LYPLAL1: variants seen among roughly 807,000 people sequenced by gnomAD.
LYPLAL1 encodes lysophospholipase-like protein 1.
A neutral mutation model predicts 19.7 loss-of-function variants in LYPLAL1; 23 were observed. The observed-to-expected ratio is 1.17, with a 90% CI of 0.84 to 1.65. The LOEUF (loss-of-function observed/expected upper bound fraction) is 1.65, where lower values mean the gene tolerates loss of function less well. Ranked by LOEUF, LYPLAL1 falls within the 40% of genes most tolerant of loss-of-function variation. The probability of loss-of-function intolerance (pLI) is 0.00; values close to 1 mark genes in which losing one functional copy is unlikely to be tolerated. For synonymous variants in LYPLAL1, 119 were observed against 96.3 expected, an observed-to-expected ratio of 1.24 and a Z score of -1.38; for missense variants, 355 against 279.4, an observed-to-expected ratio of 1.27 and a Z score of -1.93.
chr1:219,362,606 G>A, the LYPLAL1 span, among the ~76,000 whole-genome samples: 1,803 of 152,270 alleles, frequency 0.012, 24 homozygotes, highest in South Asian at 0.049. Context: ...AATGGGGTAC[G>A]GAAGTGGCAA....
At chr1:219,409,985 T>C in the LYPLAL1 span, 1 of 152,220 alleles carries the variant, frequency 6.6e-6, no homozygotes, top group East Asian at 1.9e-4. Context: ...CCGTTTTTCA[T>C]TTTTACTCTT....
chr1:219,229,020 A>G, the LYPLAL1 span, among the ~76,000 whole-genome samples: 3 of 151,966 alleles, frequency 2.0e-5, no homozygotes, highest in African/African-American at 7.2e-5. Flanking sequence ...AATCTTCACC[A>G]CAACCCTTTG....
At chr1:219,406,359 G>A in the LYPLAL1 span, among the ~76,000 whole-genome samples, 1 of 152,186 alleles carries the variant, frequency 6.6e-6, no homozygotes. Context: ...TTTGAAGCAA[G>A]TTTATCTCTG....
chr1:219,358,968 G>C, the LYPLAL1 span, among the ~76,000 whole-genome samples: 3 of 152,014 alleles, frequency 2.0e-5, no homozygotes, highest in African/African-American at 7.2e-5. Flanking sequence ...GTTGCAAGAT[G>C]AGGATTTTAT....
chr1:219,294,961 G>C, the LYPLAL1 span, among the ~76,000 whole-genome samples: 5 of 152,068 alleles, frequency 3.3e-5, no homozygotes, highest in Non-Finnish European at 7.4e-5. Context: ...CTGAACCTTG[G>C]GTGAGGCAGC....
the LYPLAL1 span, among the ~76,000 whole-genome samples, chr1:219,427,812 C>T: frequency 6.6e-6 from 1 of 152,062 alleles, no homozygotes. Flanking sequence ...CAGAAATGGC[C>T]AAGTTTTCCA....
the LYPLAL1 span, among the ~76,000 whole-genome samples, chr1:219,326,846 G>T: frequency 6.6e-6 from 1 of 152,098 alleles, no homozygotes; most frequent in African/African-American, 2.4e-5. Flanking sequence ...GGAAGAAAAA[G>T]AAGAAAATAG....
At chr1:219,401,835 T>A in the LYPLAL1 span, among the ~76,000 whole-genome samples, 1 of 152,188 alleles carries the variant, frequency 6.6e-6, no homozygotes, top group African/African-American at 2.4e-5. Context: ...TTTCTAGAAC[T>A]AGGGATGGAT....
intron 2 of LYPLAL1, among the ~76,000 whole-genome samples, chr1:219,184,273 C>T (rs1179210545): frequency 6.6e-6 from 1 of 151,776 alleles, no homozygotes; most frequent in African/African-American, 2.4e-5. Flanking sequence ...TACAAGTATT[C>T]TGTTTCTTCA....
the LYPLAL1 span, among the ~76,000 whole-genome samples, chr1:219,326,114 A>C: frequency 6.6e-6 from 1 of 151,948 alleles, no homozygotes. Context: ...GGGTTTCACC[A>C]TGTTAGCCAG....
At chr1:219,244,134 A>G in the LYPLAL1 span, among the ~76,000 whole-genome samples, 1 of 152,178 alleles carries the variant, frequency 6.6e-6, no homozygotes, top group East Asian at 1.9e-4. Context: ...GAGTCCATAA[A>G]TGCAATTGGA....
At chr1:219,385,549 T>C in the LYPLAL1 span, among the ~76,000 whole-genome samples, 1 of 138,166 alleles carries the variant, frequency 7.2e-6, no homozygotes, top group Non-Finnish European at 1.7e-5. Context: ...ATATTATGTC[T>C]ATATTTGTTA....
At chr1:219,386,730 A>G in the LYPLAL1 span, among the ~76,000 whole-genome samples, 1 of 152,206 alleles carries the variant, frequency 6.6e-6, no homozygotes, top group Admixed American at 6.5e-5. Flanking sequence ...AAGTGAACTT[A>G]ACCCAAATCT....
chr1:219,312,239 G>A, the LYPLAL1 span, among the ~76,000 whole-genome samples: 3 of 152,160 alleles, frequency 2.0e-5, no homozygotes, highest in Non-Finnish European at 4.4e-5. Context: ...GCAGAGAGGT[G>A]GGAGAGGGTC....
the LYPLAL1 span, among the ~76,000 whole-genome samples, chr1:219,430,759 T>C: frequency 6.6e-6 from 1 of 152,158 alleles, no homozygotes; most frequent in Non-Finnish European, 1.5e-5. Context: ...TTAAAGGAGG[T>C]ATACTGTCCA....
At chr1:219,376,887 A>G in the LYPLAL1 span, among the ~76,000 whole-genome samples, 1 of 152,202 alleles carries the variant, frequency 6.6e-6, no homozygotes, top group Admixed American at 6.5e-5. Context: ...TAGTACAAAT[A>G]TAAAATGGTA....
the LYPLAL1 span, among the ~76,000 whole-genome samples, chr1:219,301,932 T>G: frequency 1.3e-5 from 2 of 152,016 alleles, no homozygotes; most frequent in African/African-American, 4.8e-5. Flanking sequence ...TTGAATTTTT[T>G]AAAAAATACA....
the LYPLAL1 span, among the ~76,000 whole-genome samples, chr1:219,426,465 G>A: frequency 6.6e-6 from 1 of 152,192 alleles, no homozygotes; most frequent in African/African-American, 2.4e-5. Context: ...CTGTTGCCAT[G>A]TCACAGTGGT....
At chr1:219,404,602 CA>C in the LYPLAL1 span, among the ~76,000 whole-genome samples, 6 of 151,788 alleles carry the variant, frequency 4.0e-5, no homozygotes, top group Non-Finnish European at 7.4e-5. Context: ...TGAAAACACA[CA>C]AAAAAAGGGA....
Sources: allele counts gnomAD v4.1 joint callset (sites outside exome capture counted in the v4.1 genomes callset), GRCh38; gene constraint gnomAD v4.1.1; transcripts MANE v1.5; gene names NCBI Gene and HGNC (gene_info 2026-07-23, HGNC 2026-07-21).